SEMA5A: variants seen among roughly 807,000 people sequenced by gnomAD.
SEMA5A encodes the protein semaphorin 5A.
In SEMA5A, 55 loss-of-function variants were observed where a neutral mutation model predicts 135.5. The observed-to-expected ratio is 0.41, with a 90% CI of 0.33 to 0.51. SEMA5A has a LOEUF of 0.51. Ranked by LOEUF, SEMA5A falls within the 20% of genes least tolerant of loss-of-function variation. The pLI, the probability that SEMA5A is intolerant of heterozygous loss-of-function variation, is 0.37. For missense variants in SEMA5A, 1,290 were observed against 1,419.9 expected, an observed-to-expected ratio of 0.91 and a Z score of 1.47; for synonymous variants, 580 against 546.5, an observed-to-expected ratio of 1.06 and a Z score of -0.85.
intron 1 of SEMA5A, among the ~76,000 whole-genome samples, chr5:9,480,699 C>T (rs891200197): frequency 6.6e-6 from 1 of 152,140 alleles, no homozygotes; most frequent in Non-Finnish European, 1.5e-5. Context: ...GAACATTCAT[C>T]ACTTACACGT....
At chr5:9,210,474 A>G (rs1340561713) in intron 8 of SEMA5A, among the ~76,000 whole-genome samples, 1 of 152,240 alleles carries the variant, frequency 6.6e-6, no homozygotes, top group Admixed American at 6.5e-5. Flanking sequence ...CAAGGCTACA[A>G]CAGTCAAGAA....
chr5:9,468,658 C>G (rs1215241059), intron 1 of SEMA5A, among the ~76,000 whole-genome samples: 1 of 151,696 alleles, frequency 6.6e-6, no homozygotes, highest in Non-Finnish European at 1.5e-5. Flanking sequence ...TGAATACCAT[C>G]CAAAAATCTG....
chr5:9,113,270 T>C (rs1356576115), intron 15 of SEMA5A, among the ~76,000 whole-genome samples: 1 of 152,196 alleles, frequency 6.6e-6, no homozygotes, highest in Non-Finnish European at 1.5e-5. Context: ...GAGGTTGGAA[T>C]GTGAAAGTGG....
rs141537710 is a variant in SEMA5A at position 9,457,152 on chromosome 5, G to A, written c.-174-19300C>T. ...ACCACGTGCTGCTTCTAAATTCAAT[G>A]TCTGAATGTGCAAACTATGGCCTAG... On this transcript the variant is annotated intron_variant, in intron 1 of 22. Coordinates refer to ENST00000382496, the MANE Select transcript of SEMA5A (RefSeq NM_003966.3). Among the ~76,000 whole-genome samples the A allele has an allele frequency of 4.9e-3, 747 of 152,298 alleles. 5 individuals carry two copies. Among genetic ancestry groups the A allele is most frequent in the Middle Eastern group, 0.014 (4 of 294 alleles).
At chr5:9,310,978 A>C (rs1025520572) in intron 5 of SEMA5A, among the ~76,000 whole-genome samples, 2 of 151,856 alleles carry the variant, frequency 1.3e-5, no homozygotes, top group African/African-American at 4.8e-5. Context: ...AAACCGAAAA[A>C]TTCCCTAAGC....
intron 13 of SEMA5A, among the ~76,000 whole-genome samples, chr5:9,135,526 G>A (rs1210259739): frequency 6.6e-6 from 1 of 151,948 alleles, no homozygotes; most frequent in Non-Finnish European, 1.5e-5. Flanking sequence ...ATGAATATGT[G>A]GTTGAGATAA....
intron 8 of SEMA5A, among the ~76,000 whole-genome samples, chr5:9,220,142 G>T (rs1746852126): frequency 6.6e-6 from 1 of 152,164 alleles, no homozygotes; most frequent in Non-Finnish European, 1.5e-5. Flanking sequence ...CTTGTAAGTG[G>T]GAGCTAAGCT....
At chr5:9,138,441 G>A (rs1054716438) in intron 12 of SEMA5A, among the ~76,000 whole-genome samples, 10 of 152,180 alleles carry the variant, frequency 6.6e-5, no homozygotes, top group East Asian at 1.9e-4. Context: ...GATTGTGCAC[G>A]CGGTTTCGCA....
intron 1 of SEMA5A, among the ~76,000 whole-genome samples, chr5:9,494,894 T>C (rs1388558790): frequency 6.6e-6 from 1 of 152,218 alleles, no homozygotes; most frequent in Non-Finnish European, 1.5e-5. Context: ...CCAAAGTATC[T>C]GGTTCAAGTG....
At chr5:9,444,200 A>C (rs1319740636) in intron 1 of SEMA5A, among the ~76,000 whole-genome samples, 1 of 151,974 alleles carries the variant, frequency 6.6e-6, no homozygotes, top group African/African-American at 2.4e-5. Flanking sequence ...TTTATTTCCA[A>C]AGGTTATTGG....
At chr5:9,264,502 T>G (rs1749576135) in intron 5 of SEMA5A, among the ~76,000 whole-genome samples, 1 of 152,100 alleles carries the variant, frequency 6.6e-6, no homozygotes, top group Non-Finnish European at 1.5e-5. Flanking sequence ...AGCCATATGC[T>G]CCGGGAATGA....
At chr5:9,456,743 A>G (rs1428903751) in intron 1 of SEMA5A, among the ~76,000 whole-genome samples, 2 of 152,118 alleles carry the variant, frequency 1.3e-5, no homozygotes, top group Admixed American at 6.5e-5. Context: ...GCAAGGGGGG[A>G]AAAACAGCAC....
intron 1 of SEMA5A, among the ~76,000 whole-genome samples, chr5:9,442,436 C>T (rs1031572347): frequency 1.3e-5 from 2 of 152,198 alleles, no homozygotes; most frequent in African/African-American, 4.8e-5. Context: ...CTCCTGGACT[C>T]CAGCTATGCA....
intron 5 of SEMA5A, among the ~76,000 whole-genome samples, chr5:9,250,673 T>C (rs1748725256): frequency 6.6e-6 from 1 of 152,176 alleles, no homozygotes; most frequent in African/African-American, 2.4e-5. Context: ...TTCAAAGTAA[T>C]TCAGTACAAG....
rs1754315846 is a variant in SEMA5A, at chr5:9,353,676, TC to T, written c.125-15865del. On this transcript the variant is annotated intron_variant, in intron 3 of 22. Transcript: ENST00000382496. Reference sequence around the variant, plus strand: ...TAGTTTTATATGGCATTTAATATCTTCCGGTGAAAATGATAAGGACATGCAG... The same window carrying T: ...TAGTTTTATATGGCATTTAATATCTTCGGTGAAAATGATAAGGACATGCAG... Among the ~76,000 whole-genome samples the T allele has an allele frequency of 2.6e-5, 4 of 152,272 alleles. No homozygotes were observed. The South Asian group carries it at 8.3e-4, about 32-fold the overall frequency.
intron 1 of SEMA5A, among the ~76,000 whole-genome samples, chr5:9,449,709 G>A (rs548354947): frequency 6.6e-6 from 1 of 152,230 alleles, no homozygotes; most frequent in Non-Finnish European, 1.5e-5. Context: ...CAAAAATGCA[G>A]GGGAAATTAA....
At chr5:9,244,695 G>A (rs562177083) in intron 5 of SEMA5A, among the ~76,000 whole-genome samples, 3 of 152,172 alleles carry the variant, frequency 2.0e-5, no homozygotes, top group East Asian at 1.9e-4. Flanking sequence ...ACAAATTAAC[G>A]GATGTGTTAA....
rs141153482 is a variant in SEMA5A, at chr5:9,122,763, G to T, written c.1674C>A (p.Ser558Arg). 3 of 1,613,418 alleles carry T rather than the reference G, an allele frequency of 1.9e-6. No homozygotes were observed. The highest frequency in any genetic ancestry group is 2.5e-6 in the Non-Finnish European group (3 of 1,179,838). The change falls in exon 14 of 23, where the codon AGC (serine) becomes AGA (arginine). Residue 558 changes from serine (S) to arginine (R), a missense_variant. Physicochemically the swap from Ser to Arg is moderately radical, Grantham distance 110. Transcript: ENST00000382496. ...PWTPCTHTDG[S>R]AVGSCLCRTR... ...TTCGACAGAGGCAGGATCCCACGGC[G>T]CTGCCATCTGTGTGCGTGCAAGGCG... is the stretch of plus-strand genomic sequence containing the variant.
At chr5:9,048,594 G>T (rs546376269) in intron 21 of SEMA5A, among the ~76,000 whole-genome samples, 1 of 152,202 alleles carries the variant, frequency 6.6e-6, no homozygotes, top group Non-Finnish European at 1.5e-5. Flanking sequence ...CAGGTGTCAC[G>T]TAATATAGAG....
Sources: gnomAD v4.1 joint callset for allele counts (sites outside exome capture counted in the v4.1 genomes callset) on GRCh38, gnomAD v4.1.1 for gene constraint, MANE v1.5 for transcripts, NCBI Gene and HGNC (gene_info 2026-07-23, HGNC 2026-07-21) for gene names.